DYRK1A: variants seen among roughly 807,000 people sequenced by gnomAD.
The protein encoded by DYRK1A is dual specificity tyrosine-phosphorylation-regulated kinase 1A.
A neutral mutation model predicts 79.7 loss-of-function variants in DYRK1A; 9 were observed. That is an observed-to-expected ratio of 0.11 (90% CI 0.07 to 0.20). The LOEUF (loss-of-function observed/expected upper bound fraction) is 0.20, where lower values mean the gene tolerates loss of function less well. DYRK1A is among the 10% of genes least tolerant of loss of function. DYRK1A has a pLI of 1.00. For missense variants in DYRK1A, 622 were observed against 956.0 expected, an observed-to-expected ratio of 0.65 and a Z score of 4.61; for synonymous variants, 349 against 329.7, an observed-to-expected ratio of 1.06 and a Z score of -0.63.
intron 1 of DYRK1A, among the ~76,000 whole-genome samples, chr21:37,402,844 C>A (rs564495126): frequency 1.4e-4 from 21 of 152,220 alleles, no homozygotes; most frequent in African/African-American, 4.3e-4. Flanking sequence ...CTCACTGCAA[C>A]CTCTGCCTCC....
intron 9 of DYRK1A, among the ~76,000 whole-genome samples, chr21:37,498,782 A>G (rs908148615): frequency 2.6e-5 from 4 of 152,174 alleles, no homozygotes; most frequent in Admixed American, 2.0e-4. Context: ...TTATATTCCC[A>G]TGATGTATGA....
chr21:37,440,724 T>G (rs2051076876), intron 2 of DYRK1A, among the ~76,000 whole-genome samples: 1 of 152,234 alleles, frequency 6.6e-6, no homozygotes, highest in African/African-American at 2.4e-5. Context: ...CTTACATGGT[T>G]CTGTTACTTT....
Position 37,480,630 on chromosome 21 carries a change from C to T in DYRK1A, c.301-8C>T, listed in dbSNP as rs991072716. ...TTTTACAGTTAACACTATGTATTCT[C>T]ATTTCAGGTTTACTATGCAAAAAAG... On this transcript the variant is annotated splice_polypyrimidine_tract_variant and splice_region_variant and intron_variant, in intron 4 of 11. Transcript: ENST00000647188. 1.0e-5 allele frequency: 16 copies of T among 1,576,618 alleles called. No homozygotes were observed. Among genetic ancestry groups the T allele is most frequent in the Non-Finnish European group, 1.3e-5 (15 of 1,165,230 alleles).
intron 1 of DYRK1A, among the ~76,000 whole-genome samples, chr21:37,370,661 C>A (rs2049411702): frequency 6.6e-6 from 1 of 152,122 alleles, no homozygotes; most frequent in Non-Finnish European, 1.5e-5. Flanking sequence ...TCCAGAAAGT[C>A]TTTATCAAGA....
chr21:37,506,050 A>G, intron 10 of DYRK1A, 49 bp from the exon 11 acceptor site: 1 of 1,573,458 alleles, frequency 6.4e-7, no homozygotes, highest in South Asian at 1.1e-5. Context: ...ATTTGAACAA[A>G]ATGAATTTTA....
At chr21:37,445,528 A>G (rs913202422) in intron 2 of DYRK1A, among the ~76,000 whole-genome samples, 2 of 152,224 alleles carry the variant, frequency 1.3e-5, no homozygotes, top group Non-Finnish European at 2.9e-5. Context: ...CTGAACAAAT[A>G]GAGTTGGGGA....
chr21:37,432,710 G>C (rs1569317060), intron 2 of DYRK1A, among the ~76,000 whole-genome samples: 1 of 152,096 alleles, frequency 6.6e-6, no homozygotes, highest in Non-Finnish European at 1.5e-5. Flanking sequence ...TACACATTGA[G>C]AGGATAGAGG....
At chr21:37,490,755 G>T (rs1055048464) in intron 7 of DYRK1A, among the ~76,000 whole-genome samples, 3 of 151,766 alleles carry the variant, frequency 2.0e-5, no homozygotes, top group South Asian at 2.1e-4. Flanking sequence ...AATGCAAATA[G>T]CAATACTTTG....
At chr21:37,376,201 T>C (rs769558938) in intron 1 of DYRK1A, among the ~76,000 whole-genome samples, 6 of 152,108 alleles carry the variant, frequency 3.9e-5, no homozygotes, top group Admixed American at 6.5e-5. Context: ...ATGTGCCCTT[T>C]ACTGAGAAAA....
intron 9 of DYRK1A, chr21:37,504,303 A>G (rs530469249): frequency 2.0e-5 from 3 of 152,450 alleles, no homozygotes; most frequent in Admixed American, 6.5e-5. Context: ...GTACTGCCCC[A>G]TCCTTCTGTC....
chr21:37,424,639 T>C (rs1048101789), intron 2 of DYRK1A, among the ~76,000 whole-genome samples: 1 of 152,220 alleles, frequency 6.6e-6, no homozygotes, highest in Non-Finnish European at 1.5e-5. Flanking sequence ...GTACTCAGAA[T>C]GCTTTTGAAG....
intron 1 of DYRK1A, among the ~76,000 whole-genome samples, chr21:37,417,506 C>CTTTTTCT (rs375931123): frequency 1.4e-5 from 1 of 70,490 alleles, no homozygotes; most frequent in Admixed American, 1.6e-4. Flanking sequence ...TTTTATTTTT[C>CTTTTTCT]TTTTCTTTTT....
Position 37,403,638 on chromosome 21 carries a change from A to T in DYRK1A, c.-76-16661A>T, listed in dbSNP as rs1272049523. On this transcript the variant is annotated intron_variant, in intron 1 of 11. Coordinates refer to ENST00000647188, the MANE Select transcript of DYRK1A (RefSeq NM_001347721.2). ...GCCCCACTATGCTCAGCTAATTAAA[A>T]AAAAAAAAAAATATATATATATATA... Among the ~76,000 whole-genome samples, 85 of 53,800 alleles carry T rather than the reference A, an allele frequency of 1.6e-3. 2 individuals carry two copies. Among genetic ancestry groups the T allele is most frequent in the African/African-American group, 6.6e-3 (84 of 12,656 alleles). The allele number at this position is 53,800 out of a possible 152,430, so 35.3% of individuals were successfully genotyped here.
intron 2 of DYRK1A, among the ~76,000 whole-genome samples, chr21:37,445,264 T>C (rs1203873370): frequency 6.6e-6 from 1 of 152,208 alleles, no homozygotes; most frequent in Non-Finnish European, 1.5e-5. Flanking sequence ...GAAAGCAGAA[T>C]AATTCAACAA....
At chr21:37,459,752 T>G (rs1178059277) in intron 2 of DYRK1A, among the ~76,000 whole-genome samples, 4 of 152,304 alleles carry the variant, frequency 2.6e-5, no homozygotes, top group South Asian at 2.1e-4. Flanking sequence ...GTTTCTTGTG[T>G]TGTTATATGG....
chr21:37,525,583 C>G lies in DYRK1A; in HGVS notation c.*13052C>G, dbSNP rs1277155077. 6.6e-6 allele frequency: 1 copy of G among 152,184 alleles called. No homozygotes were observed. The highest frequency in any genetic ancestry group is 1.5e-5 in the Non-Finnish European group (1 of 68,024). The allele number at this position is 152,184 out of a possible 1,614,324, so 9.4% of individuals were successfully genotyped here. A position where few individuals can be genotyped will look rare whatever the true frequency, so the allele number is the denominator to read the frequency against. On this transcript the variant is annotated 3_prime_UTR_variant, in exon 12 of 12. Coordinates refer to ENST00000647188, the MANE Select transcript of DYRK1A (RefSeq NM_001347721.2). ...AATAGAAAATGGCTCAGTTGGACAACTTACAAAGCTTGTAATAATATAAGG... is the reference window on the plus strand; with the variant it reads ...AATAGAAAATGGCTCAGTTGGACAAGTTACAAAGCTTGTAATAATATAAGG...
At chr21:37,375,519 C>CTTTTTTTTTTT (rs58948987) in intron 1 of DYRK1A, among the ~76,000 whole-genome samples, 15 of 81,446 alleles carry the variant, frequency 1.8e-4, no homozygotes, top group African/African-American at 5.5e-4. Flanking sequence ...AGGAATATTA[C>CTTTTTTTTTTT]TTTTTTTTTT....
In DYRK1A at chr21:37,457,041, T is replaced by TTACTTACTTACTTACTTAC. The variant is rs1569339620; in HGVS notation, c.11-15642_11-15641insACTTACTTACTTACTTACT. ...ACTTACTTACTTACTTACTTACTTA[T>TTACTTACTTACTTACTTAC]TTATTTATTTATTTATTTATTTATT... On this transcript the variant is annotated intron_variant, in intron 2 of 11. Coordinates refer to ENST00000647188, the MANE Select transcript of DYRK1A (RefSeq NM_001347721.2). Among the ~76,000 whole-genome samples the TTACTTACTTACTTACTTAC allele has an allele frequency of 3.6e-4, 17 of 46,996 alleles. No individual in the cohort carries two copies. The East Asian group carries it at 4.6e-3, about 13-fold the overall frequency. The allele number at this position is 46,996 out of a possible 152,430, so 30.8% of individuals were successfully genotyped here.
At chr21:37,412,796 T>C (rs1436134879) in intron 1 of DYRK1A, among the ~76,000 whole-genome samples, 1 of 152,106 alleles carries the variant, frequency 6.6e-6, no homozygotes, top group African/African-American at 2.4e-5. Context: ...GGTGCAGGAA[T>C]GTGATGAGGA....
Sources: gnomAD v4.1 joint callset for allele counts (sites outside exome capture counted in the v4.1 genomes callset) on GRCh38, gnomAD v4.1.1 for gene constraint, MANE v1.5 for transcripts, NCBI Gene and HGNC (gene_info 2026-07-23, HGNC 2026-07-21) for gene names.